ZSCAN30: variants seen among roughly 807,000 people sequenced by gnomAD.
The protein encoded by ZSCAN30 is zinc finger and SCAN domain containing 30.
A neutral mutation model predicts 44.3 loss-of-function variants in ZSCAN30; 37 were observed. The ratio of observed to expected loss-of-function variants is 0.84; its 90% CI spans 0.64 to 1.10. ZSCAN30 has a LOEUF of 1.10. Ranked by LOEUF, ZSCAN30 falls within the 50% of genes least tolerant of loss-of-function variation. The probability of loss-of-function intolerance (pLI) is 0.00; values close to 1 mark genes in which losing one functional copy is unlikely to be tolerated. For synonymous variants in ZSCAN30, 181 were observed against 204.6 expected (o/e 0.88, Z 0.98); for missense variants, 549 against 582.6 (o/e 0.94, Z 0.59).
At chr18:35,277,444 A>T (rs1418527955) in intron 1 of ZSCAN30, among the ~76,000 whole-genome samples, 1 of 152,090 alleles carries the variant, frequency 6.6e-6, no homozygotes, top group Non-Finnish European at 1.5e-5. Flanking sequence ...CATGAGAGGG[A>T]CCCAGTGGGA....
rs749362126 is a variant in ZSCAN30, at chr18:35,264,041, C to T, written c.312G>A (p.Leu104=). 5 of 1,614,082 alleles carry T rather than the reference C, an allele frequency of 3.1e-6. No homozygotes were observed. Among genetic ancestry groups the T allele is most frequent in the Admixed American group, 1.7e-5 (1 of 60,004 alleles). Residue 104 remains leucine (L), a synonymous_variant, in exon 2 of 4, where the codon CTG becomes CTA. Transcript: ENST00000333206. The part of the protein sequence containing the change: ...EQFLAILPEE[L]QAWLREHRPE... ...GCCGATGCTCTCGCAGCCAAGCTTG[C>T]AGCTCCTCAGGAAGGATGGCCAGGA...
intron 1 of ZSCAN30, chr18:35,282,551 G>A (rs1851491639): frequency 6.6e-6 from 1 of 152,200 alleles, no homozygotes; most frequent in Non-Finnish European, 1.5e-5. Flanking sequence ...TTTGGGAGAT[G>A]TGTAATGTGG....
chr18:35,251,231 TAAC>T lies in ZSCAN30; in HGVS notation c.*2216_*2218del, dbSNP rs1265250920. 1.3e-5 allele frequency: 2 copies of T among 152,218 alleles called. No homozygotes were observed. The highest frequency in any genetic ancestry group is 2.9e-5 in the Non-Finnish European group (2 of 68,030). The allele number at this position is 152,218 out of a possible 1,614,324, so 9.4% of individuals were successfully genotyped here. On this transcript the variant is annotated 3_prime_UTR_variant, in exon 4 of 4. Transcript: ENST00000333206. ...ACTAATAGAAAGTACTCCAAAATGT[TAAC>T]AACGTTTCTATGGGCATTGGGATTG...
rs560924530 is a variant in ZSCAN30 at position 35,252,460 on chromosome 18, A to T, written c.*990T>A. The T allele has an allele frequency of 2.0e-5, 3 of 152,122 alleles. No individual in the cohort carries two copies. The highest frequency in any genetic ancestry group is 7.2e-5 in the African/African-American group (3 of 41,422). The allele number at this position is 152,122 out of a possible 1,614,324, so 9.4% of individuals were successfully genotyped here. ...CCAGGCTTGCAGGCCCTGAGCTATT[A>T]TACTTGAGGGCAATAAATATTTGTT... On this transcript the variant is annotated 3_prime_UTR_variant, in exon 4 of 4. Transcript: ENST00000333206.
At chr18:35,261,835 C>T (rs2044035203) in intron 3 of ZSCAN30, 1 of 152,170 alleles carries the variant, frequency 6.6e-6, no homozygotes, top group African/African-American at 2.4e-5. Context: ...ATATTATCTG[C>T]AAATAGAGAC....
Position 35,264,228 on chromosome 18 carries a change from C to T in ZSCAN30, c.125G>A (p.Trp42Ter), listed in dbSNP as rs757910262. 1.2e-6 allele frequency: 2 copies of T among 1,614,078 alleles called. No individual in the cohort carries two copies. The highest frequency in any genetic ancestry group is 1.7e-6 in the Non-Finnish European group (2 of 1,180,046). ...DQDFGLQENP[W>*]SQEVFRQKFR... ...CTTCTGCCGGAATACCTCTTGGCTC[C>T]AGGGGTTTTCCTGAAGGCCAAAGTC... Residue 42 changes from tryptophan to a stop codon, truncating the protein, a stop_gained, in exon 2 of 4, where the codon TGG (tryptophan) becomes TAG (stop). Coordinates refer to ENST00000333206, the MANE Select transcript of ZSCAN30 (RefSeq NM_001112734.4). LOFTEE classifies it high-confidence loss of function.
At chr18:35,258,440 TTAGAG>T (rs1252874200) in intron 3 of ZSCAN30, 6 of 158,900 alleles carry the variant, frequency 3.8e-5, no homozygotes, top group African/African-American at 1.2e-4. Context: ...CAGATTCTCA[TTAGAG>T]TATTTTATTT....
At chr18:35,270,493 T>C (rs2044248380) in intron 1 of ZSCAN30, among the ~76,000 whole-genome samples, 1 of 152,264 alleles carries the variant, frequency 6.6e-6, no homozygotes, top group Non-Finnish European at 1.5e-5. Flanking sequence ...TTAGTGATAA[T>C]GTACTTTTAA....
chr18:35,263,485 C>A (rs758890809), intron 3 of ZSCAN30, 28 bp downstream of exon 3: 1 of 1,613,378 alleles, frequency 6.2e-7, no homozygotes, highest in Admixed American at 1.7e-5. Context: ...CCTCCATCCT[C>A]AACCCCACAT....
At chr18:35,280,131 C>G (rs1239174734) in intron 1 of ZSCAN30, among the ~76,000 whole-genome samples, 4 of 152,044 alleles carry the variant, frequency 2.6e-5, no homozygotes, top group Admixed American at 2.6e-4. Context: ...GAAAAATTAG[C>G]CAGTCATGGT....
chr18:35,256,870 C>T (rs1348456776), intron 3 of ZSCAN30, among the ~76,000 whole-genome samples: 1 of 152,176 alleles, frequency 6.6e-6, no homozygotes, highest in African/African-American at 2.4e-5. Context: ...AAATCCTGGA[C>T]TCAAGGGATC....
chr18:35,263,326 C>A, intron 3 of ZSCAN30, 187 bp downstream of exon 3: 1 of 628,666 alleles, frequency 1.6e-6, no homozygotes, highest in African/African-American at 1.8e-5. Flanking sequence ...ATTCTTAACC[C>A]AAAGTTACAA....
intron 1 of ZSCAN30, chr18:35,283,968 G>A (rs2044507697): frequency 6.6e-6 from 1 of 152,370 alleles, no homozygotes; most frequent in Non-Finnish European, 1.5e-5. Flanking sequence ...CTGAGAAGGA[G>A]GAGCTTTACT....
chr18:35,265,854 A>C lies in ZSCAN30; in HGVS notation c.-103-1399T>G, dbSNP rs1208929125. On this transcript the variant is annotated intron_variant, in intron 1 of 3. Coordinates refer to ENST00000333206, the MANE Select transcript of ZSCAN30 (RefSeq NM_001112734.4). ...GACGGAGCGAAGTAGACAAGGTAGCACAAGGGAAAGATGACTGACCAAGAC... is the reference window on the plus strand; with the variant it reads ...GACGGAGCGAAGTAGACAAGGTAGCCCAAGGGAAAGATGACTGACCAAGAC... 2.0e-5 allele frequency among the ~76,000 whole-genome samples: 3 copies of C among 152,204 alleles called. No homozygotes were observed. In the East Asian group the frequency reaches 5.8e-4, roughly 29 times the overall value.
chr18:35,287,545 T>C (rs1194326769), intron 1 of ZSCAN30, among the ~76,000 whole-genome samples: 1 of 110,084 alleles, frequency 9.1e-6, no homozygotes, highest in Non-Finnish European at 1.8e-5. Flanking sequence ...GAGAAAGAAA[T>C]GGTACAGAAC....
intron 3 of ZSCAN30, chr18:35,258,612 C>T (rs546790351): frequency 1.3e-5 from 2 of 152,682 alleles, no homozygotes; most frequent in Admixed American, 1.3e-4. Flanking sequence ...TGGCTCATGC[C>T]TGTAATTCCA....
At chr18:35,275,071 T>G (rs901928878) in intron 1 of ZSCAN30, among the ~76,000 whole-genome samples, 9 of 152,246 alleles carry the variant, frequency 5.9e-5, no homozygotes, top group Non-Finnish European at 1.2e-4. Flanking sequence ...TTTTCTCCCA[T>G]GTATTTAATA....
rs1460602224 is a variant in ZSCAN30 at position 35,264,396 on chromosome 18, GA to G, written c.-45del. On this transcript the variant is annotated 5_prime_UTR_variant, in exon 2 of 4. Transcript: ENST00000333206. Reference sequence around the variant, plus strand: ...GAAAAGGCTGCCCAGGTGAGGCAGGGAGGAGATGGAGATTTGCGTCTGAGAG... The same window carrying G: ...GAAAAGGCTGCCCAGGTGAGGCAGGGGGAGATGGAGATTTGCGTCTGAGAG... The G allele has an allele frequency of 6.4e-7, 1 of 1,571,366 alleles. No homozygotes were observed. The highest frequency in any genetic ancestry group is 1.8e-5 in the Admixed American group (1 of 55,106).
Position 35,251,923 on chromosome 18 carries a change from A to G in ZSCAN30, c.*1527T>C, listed in dbSNP as rs912563294. On this transcript the variant is annotated 3_prime_UTR_variant, in exon 4 of 4. Transcript: ENST00000333206. Reference sequence around the variant, plus strand: ...GACACTACCTAGGATATCTTAGAAGAGGAATCAAACTTTCTTTTAGGTATT... The same window carrying G: ...GACACTACCTAGGATATCTTAGAAGGGGAATCAAACTTTCTTTTAGGTATT... 6.6e-6 allele frequency: 1 copy of G among 152,156 alleles called. No homozygotes were observed. Among genetic ancestry groups the G allele is most frequent in the African/African-American group, 2.4e-5 (1 of 41,422 alleles). The allele number at this position is 152,156 out of a possible 1,614,324, so 9.4% of individuals were successfully genotyped here. A position where few individuals can be genotyped will look rare whatever the true frequency, so the allele number is the denominator to read the frequency against.
Sources: gnomAD v4.1 joint callset for allele counts (sites outside exome capture counted in the v4.1 genomes callset) on GRCh38, gnomAD v4.1.1 for gene constraint, MANE v1.5 for transcripts, NCBI Gene and HGNC (gene_info 2026-07-23, HGNC 2026-07-21) for gene names.